SENP6: variants seen among roughly 807,000 people sequenced by gnomAD.
SENP6 encodes the protein sentrin-specific protease 6.
Under a neutral mutation model 134.5 loss-of-function variants are expected in SENP6, and 41 were observed. The ratio of observed to expected loss-of-function variants is 0.30; its 90% CI spans 0.24 to 0.40. The LOEUF is 0.40. Among genes scored for constraint, SENP6 ranks in the 10% least tolerant of loss-of-function variants. The pLI is 1.00. For synonymous variants in SENP6, 395 were observed against 429.8 expected (o/e 0.92, Z 1.00); for missense variants, 1,248 against 1,312.5 (o/e 0.95, Z 0.76).
intron 16 of SENP6, chr6:75,679,799 G>T (rs1773338977): frequency 6.6e-6 from 1 of 152,184 alleles, no homozygotes; most frequent in South Asian, 2.1e-4. Context: ...AGTATGCATA[G>T]TTCTCTGTAA....
chr6:75,625,629 G>A (rs1226443369), intron 3 of SENP6, among the ~76,000 whole-genome samples: 4 of 152,180 alleles, frequency 2.6e-5, no homozygotes, highest in Admixed American at 6.5e-5. Flanking sequence ...AACACTTTGG[G>A]AGGCCAAAGC....
At chr6:75,643,273 A>G (rs972181183) in intron 6 of SENP6, among the ~76,000 whole-genome samples, 3 of 152,226 alleles carry the variant, frequency 2.0e-5, no homozygotes, top group African/African-American at 7.2e-5. Context: ...TTAACAAAAG[A>G]CATGCTGATT....
chr6:75,653,746 A>G (rs1172638643), intron 7 of SENP6, among the ~76,000 whole-genome samples: 1 of 152,108 alleles, frequency 6.6e-6, no homozygotes, highest in Non-Finnish European at 1.5e-5. Flanking sequence ...TATTAATTCA[A>G]GCTGGCCTTG....
intron 1 of SENP6, among the ~76,000 whole-genome samples, chr6:75,612,933 G>A (rs1582661403): frequency 6.6e-6 from 1 of 152,056 alleles, no homozygotes; most frequent in East Asian, 1.9e-4. Context: ...GGCCAACATG[G>A]TGAGACCCCA....
At chr6:75,627,837 C>T (rs1242671711) in intron 3 of SENP6, among the ~76,000 whole-genome samples, 4 of 151,646 alleles carry the variant, frequency 2.6e-5, no homozygotes, top group East Asian at 1.9e-4. Context: ...CCACCACGCC[C>T]GGCTAATTTT....
rs1480922327 is a variant in SENP6 at position 75,677,286 on chromosome 6, C to A, written c.1848+30C>A. On this transcript the variant is annotated intron_variant, in intron 14 of 23. Coordinates refer to ENST00000447266, the MANE Select transcript of SENP6 (RefSeq NM_015571.4). ...TTATGTTTTTTAATTTAAAAATATT[C>A]TTAAATTGTGGGTAGTTTTAAAGGG... 3 of 1,378,384 alleles carry A rather than the reference C, an allele frequency of 2.2e-6. No homozygotes were observed. The South Asian group carries it at 4.1e-5, about 19-fold the overall frequency. 85.4% of individuals were successfully genotyped at this position (1,378,384 alleles called of 1,614,324 possible).
chr6:75,646,370 ATTGC>A (rs1459381207), intron 6 of SENP6: 2 of 152,182 alleles, frequency 1.3e-5, no homozygotes, highest in Non-Finnish European at 2.9e-5. Context: ...AGATTCTGGC[ATTGC>A]TATTTAATAA....
intron 6 of SENP6, 27 bp from the exon 7 acceptor site, chr6:75,647,704 A>G: frequency 6.7e-7 from 1 of 1,494,560 alleles, no homozygotes; most frequent in South Asian, 1.1e-5. Context: ...TCCTGTTAGA[A>G]TAAAACTACA....
rs1199751924 is a variant in SENP6, at chr6:75,676,004, A to G, written c.1571A>G (p.Asn524Ser). Reference protein sequence around the residue: ...YQKLSIQLQMNKEDKVWNDCK... With the variant: ...YQKLSIQLQMSKEDKVWNDCK... ...AAGCTGAGCATCCAACTGCAAATGAATAAGGAGGATAAAGTTTGGAATGAT... is the reference window on the plus strand; with the variant it reads ...AAGCTGAGCATCCAACTGCAAATGAGTAAGGAGGATAAAGTTTGGAATGAT... The change falls in exon 13 of 24, where the codon AAT becomes AGT. Residue 524 changes from asparagine to serine, a missense_variant. Around this residue, in one of 3 missense-constraint regions of SENP6, gnomAD observed 733 missense variants for 725.4 expected, o/e 1.01. Coordinates refer to ENST00000447266, the MANE Select transcript of SENP6 (RefSeq NM_015571.4). 6.2e-7 allele frequency: 1 copy of G among 1,610,710 alleles called. No homozygotes were observed. The highest frequency in any genetic ancestry group is 2.2e-5 in the East Asian group (1 of 44,742).
intron 21 of SENP6, among the ~76,000 whole-genome samples, chr6:75,713,274 T>C (rs1775857420): frequency 6.6e-6 from 1 of 152,114 alleles, no homozygotes; most frequent in African/African-American, 2.4e-5. Context: ...AGCTAAGATA[T>C]GGTTAAGTTA....
intron 8 of SENP6, among the ~76,000 whole-genome samples, chr6:75,661,957 C>T (rs904399105): frequency 6.6e-6 from 1 of 152,040 alleles, no homozygotes; most frequent in African/African-American, 2.4e-5. Flanking sequence ...GAGGCCGAGG[C>T]GGGAGAATCT....
intron 16 of SENP6, among the ~76,000 whole-genome samples, chr6:75,680,296 A>G (rs1478278954): frequency 6.6e-6 from 1 of 152,176 alleles, no homozygotes; most frequent in Non-Finnish European, 1.5e-5. Flanking sequence ...AGGAGGGGAT[A>G]AGTTCCCTTT....
chr6:75,622,132 C>A (rs1036612480), intron 2 of SENP6, among the ~76,000 whole-genome samples: 1 of 152,146 alleles, frequency 6.6e-6, no homozygotes, highest in African/African-American at 2.4e-5. Context: ...CAGGTGTTTA[C>A]CCAGACAGAA....
chr6:75,710,354 T>A (rs887796453), intron 20 of SENP6, among the ~76,000 whole-genome samples: 1 of 152,196 alleles, frequency 6.6e-6, no homozygotes, highest in Non-Finnish European at 1.5e-5. Flanking sequence ...TACTTTACTT[T>A]TTAGCTTCTG....
chr6:75,620,100 AAAAG>A (rs1314001118), intron 1 of SENP6, among the ~76,000 whole-genome samples: 11 of 151,880 alleles, frequency 7.2e-5, no homozygotes, highest in African/African-American at 2.2e-4. Context: ...AAAAAAAAAA[AAAAG>A]AGGAAAATAA....
chr6:75,658,970 TCC>T (rs200687808), intron 7 of SENP6, among the ~76,000 whole-genome samples: 1 of 62,784 alleles, frequency 1.6e-5, no homozygotes, highest in African/African-American at 5.4e-5. Context: ...AGACCTTGTC[TCC>T]CCAAAAAAAA....
At position 75,717,459 on chromosome 6, in the gene SENP6, T is replaced by G. The variant is rs902403793; in HGVS notation, c.*1865T>G. The G allele has an allele frequency of 6.6e-6, 1 of 152,106 alleles. No homozygotes were observed. Among genetic ancestry groups the G allele is most frequent in the Non-Finnish European group, 1.5e-5 (1 of 67,956 alleles). The allele number at this position is 152,106 out of a possible 1,614,324, so 9.4% of individuals were successfully genotyped here. ...CAATCAGATTTTAACATGAAAAATA[T>G]AGATTAATGTATGTCAGCTTTCTAG... is the stretch of plus-strand genomic sequence containing the variant. On this transcript the variant is annotated 3_prime_UTR_variant, in exon 24 of 24. Transcript: ENST00000447266.
At chr6:75,709,418 GTTC>G (rs1452897171) in intron 19 of SENP6, 106 bp from the exon 20 acceptor site, 1 of 643,172 alleles carries the variant, frequency 1.6e-6, no homozygotes, top group Admixed American at 2.9e-5. Flanking sequence ...CAGATTTTGT[GTTC>G]TTGACTACTG....
At chr6:75,608,875 G>A (rs1767231757) in intron 1 of SENP6, among the ~76,000 whole-genome samples, 1 of 152,142 alleles carries the variant, frequency 6.6e-6, no homozygotes, top group Admixed American at 6.5e-5. Flanking sequence ...AAGAAAAAGA[G>A]CTTCCTTTAC....
Sources: gnomAD v4.1 joint callset for allele counts (sites outside exome capture counted in the v4.1 genomes callset) on GRCh38, gnomAD v4.1.1 for gene constraint, gnomAD v4.1.1 regional missense constraint, MANE v1.5 for transcripts, NCBI Gene and HGNC (gene_info 2026-07-23, HGNC 2026-07-21) for gene names.